The following LAMA2 variants were observed in gnomAD, a reference collection of about 807,000 sequenced individuals.
The protein encoded by LAMA2 is laminin subunit alpha 2.
Under a neutral mutation model 364.8 loss-of-function variants are expected in LAMA2, and 269 were observed. That is an observed-to-expected ratio of 0.74 (90% CI 0.67 to 0.82). The LOEUF (loss-of-function observed/expected upper bound fraction) is 0.82, where lower values mean the gene tolerates loss of function less well. Ranked by LOEUF, LAMA2 falls within the 40% of genes least tolerant of loss-of-function variation. LAMA2 has a pLI of 0.00. For synonymous variants in LAMA2, 1,379 were observed against 1,370.6 expected (o/e 1.01, Z -0.14); for missense variants, 3,807 against 3,873.2 (o/e 0.98, Z 0.45).
At chr6:129,491,667 T>C (rs1271926138) in intron 56 of LAMA2, among the ~76,000 whole-genome samples, 1 of 152,206 alleles carries the variant, frequency 6.6e-6, no homozygotes, top group Admixed American at 6.5e-5. Context: ...AAGAGGCTAA[T>C]GTTGCAGTGC....
intron 12 of LAMA2, among the ~76,000 whole-genome samples, chr6:129,233,022 C>A (rs1446114442): frequency 6.6e-6 from 1 of 152,144 alleles, no homozygotes; most frequent in Non-Finnish European, 1.5e-5. Flanking sequence ...TCCACAACCA[C>A]AAGAAATGAA....
At chr6:129,515,866 T>A (rs935861077) in intron 64 of LAMA2, among the ~76,000 whole-genome samples, 11 of 152,064 alleles carry the variant, frequency 7.2e-5, no homozygotes, top group African/African-American at 2.7e-4. Context: ...GATGGGGAGA[T>A]CTCTTGAGCC....
chr6:129,076,151 G>A (rs1773619665), intron 3 of LAMA2, among the ~76,000 whole-genome samples: 1 of 151,780 alleles, frequency 6.6e-6, no homozygotes, highest in Admixed American at 6.6e-5. Context: ...TGAGTCTGGA[G>A]TTGAGTGATG....
intron 4 of LAMA2, among the ~76,000 whole-genome samples, chr6:129,117,759 C>T (rs1776562361): frequency 6.6e-6 from 1 of 152,148 alleles, no homozygotes. Flanking sequence ...CTCATTAAAC[C>T]TTTACAGTAA....
At chr6:129,243,684 G>C (rs265388) in intron 12 of LAMA2, among the ~76,000 whole-genome samples, 89,802 of 151,600 alleles carry the variant, frequency 0.59, 30,832 homozygotes, top group Non-Finnish European at 0.76. Flanking sequence ...ACCCAATACA[G>C]GTTATCTTAT....
rs373707295 is a variant in LAMA2 at position 129,460,250 on chromosome 6, A to T, written c.6918A>T (p.Thr2306=). Reference sequence around the variant, plus strand: ...CATTCACTGGCTGCATGGGAGAAACATACTTTGACAACAAACCTATAGGTT... The same window carrying T: ...CATTCACTGGCTGCATGGGAGAAACTTACTTTGACAACAAACCTATAGGTT... ...VITFTGCMGE[T]YFDNKPIGLW... is the part of the protein sequence containing the mutation. Residue 2306 remains threonine (T), a synonymous_variant, in exon 49 of 65, where the codon ACA becomes ACT. Transcript: ENST00000421865. 10 of 1,612,046 alleles carry T rather than the reference A, an allele frequency of 6.2e-6. No individual in the cohort carries two copies. The highest frequency in any genetic ancestry group is 2.2e-5 in the South Asian group (2 of 91,044).
intron 1 of LAMA2, among the ~76,000 whole-genome samples, chr6:128,985,709 G>A (rs749889894): frequency 1.3e-5 from 2 of 151,588 alleles, no homozygotes; most frequent in Non-Finnish European, 2.9e-5. Context: ...CCTACCAACT[G>A]TTCTCCTTTC....
chr6:129,330,591 GGTTTTTGTTT>G (rs1240227894), intron 29 of LAMA2, among the ~76,000 whole-genome samples: 1 of 83,790 alleles, frequency 1.2e-5, no homozygotes, highest in East Asian at 4.7e-4. Flanking sequence ...GTTGTTGTTT[GGTTTTTGTTT>G]TTTTTTTTTT....
chr6:129,157,385 A>T, intron 8 of LAMA2: 1 of 1,001,256 alleles, frequency 1.0e-6, no homozygotes, highest in Non-Finnish European at 1.5e-6. Flanking sequence ...GAAAGGTTTA[A>T]TATTAGCAGC....
At chr6:129,270,566 G>C in intron 16 of LAMA2, 58 bp from the exon 17 acceptor site, 1 of 1,594,732 alleles carries the variant, frequency 6.3e-7, no homozygotes, top group Non-Finnish European at 8.6e-7. Context: ...CCTATTTTTG[G>C]CAACATGTTG....
chr6:129,009,133 C>T (rs1480600735), intron 1 of LAMA2, among the ~76,000 whole-genome samples: 1 of 152,014 alleles, frequency 6.6e-6, no homozygotes, highest in Non-Finnish European at 1.5e-5. Flanking sequence ...GGAAATGGTC[C>T]TCTTTCTTGG....
chr6:129,242,528 T>G (rs1480477763), intron 12 of LAMA2, among the ~76,000 whole-genome samples: 2 of 152,124 alleles, frequency 1.3e-5, no homozygotes, highest in Non-Finnish European at 2.9e-5. Context: ...TTTTGAACCC[T>G]AGTCAATAAG....
At chr6:129,199,210 A>G (rs1444491773) in intron 12 of LAMA2, among the ~76,000 whole-genome samples, 1 of 152,210 alleles carries the variant, frequency 6.6e-6, no homozygotes, top group Non-Finnish European at 1.5e-5. Flanking sequence ...TTAGAAAACC[A>G]GTTTAAGTAA....
At chr6:128,961,752 G>A (rs1046026386) in intron 1 of LAMA2, among the ~76,000 whole-genome samples, 3 of 151,756 alleles carry the variant, frequency 2.0e-5, no homozygotes, top group African/African-American at 4.8e-5. Context: ...ATACACCCAC[G>A]ATCAATACTT....
At chr6:129,240,665 C>T (rs1327016813) in intron 12 of LAMA2, among the ~76,000 whole-genome samples, 1 of 152,202 alleles carries the variant, frequency 6.6e-6, no homozygotes, top group Non-Finnish European at 1.5e-5. Flanking sequence ...CTAGCTATGA[C>T]TGCTCCTGGA....
chr6:129,107,240 C>T (rs979987324), intron 4 of LAMA2, among the ~76,000 whole-genome samples: 2 of 152,098 alleles, frequency 1.3e-5, no homozygotes, highest in Non-Finnish European at 2.9e-5. Flanking sequence ...AGCCAGTTTA[C>T]GTGGTTATAA....
chr6:129,046,786 A>G (rs923338941), intron 1 of LAMA2, among the ~76,000 whole-genome samples: 3 of 152,220 alleles, frequency 2.0e-5, no homozygotes, highest in African/African-American at 7.2e-5. Flanking sequence ...CCATACTTAT[A>G]TGCCATTCCC....
intron 34 of LAMA2, among the ~76,000 whole-genome samples, chr6:129,376,273 C>A (rs1778369997): frequency 6.6e-6 from 1 of 152,142 alleles, no homozygotes; most frequent in African/African-American, 2.4e-5. Context: ...CATGATGCTC[C>A]TGCTTATCCA....
chr6:128,931,797 A>G (rs1231379194), intron 1 of LAMA2, among the ~76,000 whole-genome samples: 1 of 152,230 alleles, frequency 6.6e-6, no homozygotes, highest in African/African-American at 2.4e-5. Flanking sequence ...TTCAGTTTTT[A>G]AACAATTTAA....
Sources: allele counts gnomAD v4.1 joint callset (sites outside exome capture counted in the v4.1 genomes callset), GRCh38; gene constraint gnomAD v4.1.1; transcripts MANE v1.5; gene names NCBI Gene and HGNC (gene_info 2026-07-23, HGNC 2026-07-21).